Variants in NCAPG observed in about 807,000 individuals in gnomAD.
NCAPG encodes condensin complex subunit 3.
A neutral mutation model predicts 113.1 loss-of-function variants in NCAPG; 69 were observed. That is an observed-to-expected ratio of 0.61 (90% CI 0.50 to 0.75). The LOEUF (loss-of-function observed/expected upper bound fraction) is 0.75, where lower values mean the gene tolerates loss of function less well. Among genes scored for constraint, NCAPG ranks in the 30% least tolerant of loss-of-function variants. NCAPG has a pLI of 0.00. For synonymous variants in NCAPG, 370 were observed against 415.8 expected (o/e 0.89, Z 1.34); for missense variants, 1,058 against 1,177.0 (o/e 0.90, Z 1.48).
At chr4:17,833,152 A>T (rs1390684347) in intron 13 of NCAPG, among the ~76,000 whole-genome samples, 1 of 152,046 alleles carries the variant, frequency 6.6e-6, no homozygotes, top group Non-Finnish European at 1.5e-5. Context: ...CAGGTTGATC[A>T]TGAGATCAGG....
At chr4:17,842,002 A>G (rs1722458014) in intron 19 of NCAPG, 2 of 247,320 alleles carry the variant, frequency 8.1e-6, no homozygotes, top group African/African-American at 4.6e-5. Flanking sequence ...CTTCATTATA[A>G]CACATTTTTC....
intron 13 of NCAPG, among the ~76,000 whole-genome samples, chr4:17,832,320 G>C (rs1721896915): frequency 6.6e-6 from 1 of 152,110 alleles, no homozygotes; most frequent in Non-Finnish European, 1.5e-5. Flanking sequence ...CGAGGGTTGT[G>C]GTTACTGAGG....
At chr4:17,819,230 G>T (rs1721347605) in intron 7 of NCAPG, among the ~76,000 whole-genome samples, 1 of 151,846 alleles carries the variant, frequency 6.6e-6, no homozygotes, top group South Asian at 2.1e-4. Context: ...GGACATTTAG[G>T]ATGTTTCCAT....
At chr4:17,827,644 T>A (rs982371101) in intron 11 of NCAPG, among the ~76,000 whole-genome samples, 3 of 152,110 alleles carry the variant, frequency 2.0e-5, no homozygotes, top group Admixed American at 2.0e-4. Flanking sequence ...TTGGACATGT[T>A]GAGTTTGAGG....
intron 8 of NCAPG, 137 bp downstream of exon 8, chr4:17,823,260 C>A: frequency 1.5e-6 from 1 of 675,838 alleles, no homozygotes; most frequent in Non-Finnish European, 2.4e-6. Context: ...TTCCCTTCTA[C>A]ATATTTCCAT....
At chr4:17,832,176 T>C (rs1289912541) in intron 13 of NCAPG, among the ~76,000 whole-genome samples, 1 of 152,222 alleles carries the variant, frequency 6.6e-6, no homozygotes, top group Non-Finnish European at 1.5e-5. Flanking sequence ...TTGCAGGCTA[T>C]GCAAAAACAG....
rs370630981 is a variant in NCAPG at position 17,821,446 on chromosome 4, G to T, written c.1119-1537G>T. Among the ~76,000 whole-genome samples, 59 of 130,712 alleles carry T rather than the reference G, an allele frequency of 4.5e-4. No individual in the cohort carries two copies. The East Asian group carries it at 0.011, about 23-fold the overall frequency. The allele number at this position is 130,712 out of a possible 152,430, so 85.8% of individuals were successfully genotyped here. A position where few individuals can be genotyped will look rare whatever the true frequency, so the allele number is the denominator to read the frequency against. ...CCACAATTTCTGTAACTTGGTTTTT[G>T]TCACCCCCGCCTTTTTTTTTTTTTT... is the stretch of plus-strand genomic sequence containing the variant. On this transcript the variant is annotated intron_variant, in intron 7 of 20. Transcript: ENST00000251496.
chr4:17,830,648 G>A (rs764894463), intron 12 of NCAPG, among the ~76,000 whole-genome samples: 1 of 150,434 alleles, frequency 6.6e-6, no homozygotes, highest in African/African-American at 2.5e-5. Flanking sequence ...ATTTCTGTTG[G>A]ATAGCATTGA....
In NCAPG at chr4:17,811,006, G is replaced by A. The variant is rs1034096074; in HGVS notation, c.-72G>A. The A allele has an allele frequency of 1.4e-5, 12 of 883,136 alleles. No individual in the cohort carries two copies. In the African/African-American group the frequency reaches 1.4e-4, roughly 10 times the overall value. 54.7% of individuals were successfully genotyped at this position (883,136 alleles called of 1,614,324 possible). On this transcript the variant is annotated 5_prime_UTR_variant, in exon 1 of 21. Transcript: ENST00000251496. The surrounding 1 kb of genome is among the most constrained non-coding windows in gnomAD (Gnocchi z 5.3). ...CATAGAAGACTACTCGGAGAGCGCT[G>A]CCTCTGGGTTGGCGGGCTGGCAGGC...
rs776344403 is a variant in NCAPG at position 17,825,416 on chromosome 4, A to G, written c.1508A>G (p.Lys503Arg). 6.3e-7 allele frequency: 1 copy of G among 1,595,152 alleles called. No individual in the cohort carries two copies. The highest frequency in any genetic ancestry group is 8.5e-7 in the Non-Finnish European group (1 of 1,175,388). Reference sequence around the variant, plus strand: ...ATAAAAGTTAAGCTTATCGAAGCCAAAGAAGCTTTGGAAAATTGCATTACC... The same window carrying G: ...ATAAAAGTTAAGCTTATCGAAGCCAGAGAAGCTTTGGAAAATTGCATTACC... ...AEIKVKLIEA[K>R]EALENCITLQ... The change falls in exon 11 of 21, where the codon AAA becomes AGA. Residue 503 changes from lysine (K) to arginine (R), a missense_variant. Physicochemically the swap from Lys to Arg is conservative, Grantham distance 26. Coordinates refer to ENST00000251496, the MANE Select transcript of NCAPG (RefSeq NM_022346.5).
intron 7 of NCAPG, among the ~76,000 whole-genome samples, chr4:17,821,059 A>G (rs1721437587): frequency 2.0e-5 from 3 of 152,150 alleles, no homozygotes; most frequent in Admixed American, 2.0e-4. Flanking sequence ...GTCAGTTTTA[A>G]GTTGTATTTA....
rs34483824 is a variant in NCAPG, at chr4:17,821,457, CTTTTTTTTTTTTT to C, written c.1119-1516_1119-1504del. On this transcript the variant is annotated intron_variant, in intron 7 of 20. Transcript: ENST00000251496. ...GTAACTTGGTTTTTGTCACCCCCGC[CTTTTTTTTTTTTT>C]TTTTTTTTTAAGAGACGTAGTCTTG... Among the ~76,000 whole-genome samples the C allele has an allele frequency of 7.7e-5, 8 of 104,494 alleles. No homozygotes were observed. The South Asian group carries it at 2.0e-3, about 26-fold the overall frequency. 68.6% of individuals were successfully genotyped at this position (104,494 alleles called of 152,430 possible).
chr4:17,825,436 A>G lies in NCAPG; in HGVS notation c.1528A>G (p.Ile510Val), dbSNP rs1721623473. 6.2e-7 allele frequency: 1 copy of G among 1,604,774 alleles called. No individual in the cohort carries two copies. The highest frequency in any genetic ancestry group is 1.4e-5 in the African/African-American group (1 of 73,974). Residue 510 changes from isoleucine (I) to valine (V), a missense_variant, in exon 11 of 21, where the codon ATT becomes GTT. Coordinates refer to ENST00000251496, the MANE Select transcript of NCAPG (RefSeq NM_022346.5). ...AGCCAAAGAAGCTTTGGAAAATTGC[A>G]TTACCTTACAGGATTTTAATCGGGC... ...IEAKEALENC[I>V]TLQDFNRASE... is the part of the protein sequence containing the mutation.
At chr4:17,826,266 G>A (rs1207399358) in intron 11 of NCAPG, among the ~76,000 whole-genome samples, 3 of 151,962 alleles carry the variant, frequency 2.0e-5, no homozygotes, top group African/African-American at 7.2e-5. Context: ...TTTCTTTTGG[G>A]ATCTTGCCTT....
rs552029824 is a variant in NCAPG, at chr4:17,821,409, T to C, written c.1119-1574T>C. On this transcript the variant is annotated intron_variant, in intron 7 of 20. Coordinates refer to ENST00000251496, the MANE Select transcript of NCAPG (RefSeq NM_022346.5). ...TTTGTAATACATGAGAGTATACTCA[T>C]TATACATTATACCACAATTTCTGTA... is the stretch of plus-strand genomic sequence containing the variant. 1.3e-4 allele frequency among the ~76,000 whole-genome samples: 20 copies of C among 151,932 alleles called. No homozygotes were observed. In the South Asian group the frequency reaches 4.2e-3, roughly 32 times the overall value.
chr4:17,839,251 C>CT (rs1722229408), intron 16 of NCAPG, among the ~76,000 whole-genome samples: 1 of 152,142 alleles, frequency 6.6e-6, no homozygotes, highest in Non-Finnish European at 1.5e-5. Context: ...TGGGATGTTC[C>CT]TTTGAGTTGT....
intron 15 of NCAPG, 81 bp from the exon 16 acceptor site, chr4:17,837,546 T>C (rs1019582824): frequency 1.4e-6 from 2 of 1,448,532 alleles, no homozygotes; most frequent in African/African-American, 2.8e-5. Context: ...GTGAATTTCC[T>C]ACATAGTAGT....
At chr4:17,824,236 G>GT (rs1721567170) in intron 9 of NCAPG, among the ~76,000 whole-genome samples, 1 of 152,074 alleles carries the variant, frequency 6.6e-6, no homozygotes, top group Non-Finnish European at 1.5e-5. Context: ...TAAAGGTATT[G>GT]TTCTGTATTG....
At chr4:17,813,398 T>A (rs1006572731) in intron 3 of NCAPG, 4 of 272,608 alleles carry the variant, frequency 1.5e-5, no homozygotes, top group African/African-American at 8.8e-5. Context: ...ATTAGTCTCT[T>A]GCTTAAATTA....
Sources: allele counts gnomAD v4.1 joint callset (sites outside exome capture counted in the v4.1 genomes callset), GRCh38; gene constraint gnomAD v4.1.1; non-coding constraint Gnocchi (gnomAD v3.1); transcripts MANE v1.5; gene names NCBI Gene and HGNC (gene_info 2026-07-23, HGNC 2026-07-21).